The following PGS1 variants were observed in gnomAD, a reference collection of about 807,000 sequenced individuals.
PGS1 encodes CDP-diacylglycerol--glycerol-3-phosphate 3-phosphatidyltransferase, mitochondrial.
In PGS1, 44 loss-of-function variants were observed where a neutral mutation model predicts 58.3. The observed-to-expected ratio is 0.75, with a 90% CI of 0.59 to 0.97. The LOEUF (loss-of-function observed/expected upper bound fraction) is 0.97. Among genes scored for constraint, PGS1 ranks in the 50% least tolerant of loss-of-function variants. The probability of loss-of-function intolerance (pLI) is 0.00; values close to 1 mark genes in which losing one functional copy is unlikely to be tolerated. For missense variants in PGS1, 684 were observed against 731.1 expected (o/e 0.94, Z 0.74); for synonymous variants, 330 against 311.0 (o/e 1.06, Z -0.64).
chr17:78,387,821 C>A (rs909439796), intron 1 of PGS1, among the ~76,000 whole-genome samples: 4 of 152,102 alleles, frequency 2.6e-5, no homozygotes, highest in Admixed American at 2.6e-4. Flanking sequence ...TGGTCTCGAT[C>A]TCCTGGCCTC....
chr17:78,407,280 G>T (rs1340525259), intron 7 of PGS1, among the ~76,000 whole-genome samples: 1 of 152,228 alleles, frequency 6.6e-6, no homozygotes, highest in East Asian at 1.9e-4. Context: ...CCAGAGGTCA[G>T]AGGTCACTTG....
chr17:78,404,016 G>A lies in PGS1; in HGVS notation c.1329G>A (p.Val443=), dbSNP rs759266966. The change falls in exon 7 of 10, where the codon GTG becomes GTA. Residue 443 remains valine (V), a synonymous_variant. Transcript: ENST00000262764. ...TCGAGCGACAGTTCTTCAGTGAGGT[G>A]TGCAGCCTGGGACAGCAGGAGCGGG... ...VHIERQFFSE[V]CSLGQQERVQ... 5.6e-6 allele frequency: 9 copies of A among 1,613,282 alleles called. No individual in the cohort carries two copies. The highest frequency in any genetic ancestry group is 7.6e-6 in the Non-Finnish European group (9 of 1,179,648).
chr17:78,413,021 G>A (rs2084856730), intron 7 of PGS1, among the ~76,000 whole-genome samples: 1 of 152,232 alleles, frequency 6.6e-6, no homozygotes, highest in African/African-American at 2.4e-5. Flanking sequence ...GGCAGCGTGA[G>A]CCATCTGGAT....
chr17:78,378,959 G>C (rs1007003885), intron 1 of PGS1, 151 bp downstream of exon 1: 1 of 857,626 alleles, frequency 1.2e-6, no homozygotes, highest in East Asian at 3.3e-5. Context: ...CTCGGCGCCT[G>C]ACCTATGTGC....
rs968043259 is a variant in PGS1, at chr17:78,400,456, C to T, written c.702-221C>T. On this transcript the variant is annotated intron_variant, in intron 5 of 9. Transcript: ENST00000262764. The surrounding 1 kb of genome is among the most constrained non-coding windows in gnomAD (Gnocchi z 4.4). ...CTCCTCTTCTCAGCTACACTGTCGG[C>T]TCCTTGAGAGGAGGAGGCTGTGGGT... is the stretch of plus-strand genomic sequence containing the variant. Among the ~76,000 whole-genome samples, 1 of 152,026 alleles carries T rather than the reference C, an allele frequency of 6.6e-6. No homozygotes were observed. Among genetic ancestry groups the T allele is most frequent in the African/African-American group, 2.4e-5 (1 of 41,418 alleles).
chr17:78,410,774 C>G (rs1042400484), intron 7 of PGS1, among the ~76,000 whole-genome samples: 2 of 152,052 alleles, frequency 1.3e-5, no homozygotes, highest in African/African-American at 4.8e-5. Context: ...GCCTGGCCGT[C>G]AGAGCTTTTT....
At chr17:78,411,841 C>T (rs894064630) in intron 7 of PGS1, among the ~76,000 whole-genome samples, 4 of 147,980 alleles carry the variant, frequency 2.7e-5, no homozygotes, top group South Asian at 2.2e-4. Flanking sequence ...CGGGTCTGAC[C>T]GGAGCTCCAG....
At chr17:78,417,402 C>A in intron 8 of PGS1, among the ~76,000 whole-genome samples, 1 of 152,280 alleles carries the variant, frequency 6.6e-6, no homozygotes, top group South Asian at 2.1e-4. Context: ...ACACGCGGGG[C>A]TGCGGGGCTG....
chr17:78,404,058 C>T lies in PGS1; in HGVS notation c.1371C>T (p.Tyr457=). 1.2e-6 allele frequency: 2 copies of T among 1,600,440 alleles called. No homozygotes were observed. The highest frequency in any genetic ancestry group is 8.5e-7 in the Non-Finnish European group (1 of 1,172,494). The change falls in exon 7 of 10, where the codon TAC becomes TAT. Residue 457 remains tyrosine, a synonymous_variant. Coordinates refer to ENST00000262764, the MANE Select transcript of PGS1 (RefSeq NM_024419.5). ...AGGAGCGGGTCCAGCTTCAGGAGTA[C>T]TGGCGGAGGGGCTGGACGTTCCACG... is the stretch of plus-strand genomic sequence containing the variant. ...GQQERVQLQE[Y]WRRGWTFHAK...
At chr17:78,399,901 G>T (rs772488068) in intron 5 of PGS1, 5 of 292,168 alleles carry the variant, frequency 1.7e-5, no homozygotes, top group Non-Finnish European at 2.7e-5. Flanking sequence ...ACAAGAGTCA[G>T]ACCTGGAAGT....
At chr17:78,378,902 G>A (rs1387589453) in intron 1 of PGS1, 94 bp downstream of exon 1, 11 of 1,258,628 alleles carry the variant, frequency 8.7e-6, no homozygotes, top group Non-Finnish European at 1.1e-5. Flanking sequence ...CTGGGCATCC[G>A]CAGCGAGTCC....
chr17:78,386,980 G>GAT (rs1475166796), intron 1 of PGS1, among the ~76,000 whole-genome samples: 30 of 111,248 alleles, frequency 2.7e-4, no homozygotes, highest in African/African-American at 1.2e-3. Context: ...TGATGATGAT[G>GAT]GTGATGATGG....
chr17:78,379,730 G>T (rs998035512), intron 1 of PGS1, among the ~76,000 whole-genome samples: 1 of 151,866 alleles, frequency 6.6e-6, no homozygotes, highest in African/African-American at 2.4e-5. Context: ...GGCTGACCCT[G>T]AGGCAGGAGA....
intron 1 of PGS1, among the ~76,000 whole-genome samples, chr17:78,382,512 C>A (rs1217405474): frequency 6.6e-6 from 1 of 151,956 alleles, no homozygotes; most frequent in African/African-American, 2.4e-5. Context: ...TTATGTTAAT[C>A]AGTATCCAGG....
intron 4 of PGS1, 123 bp from the exon 5 acceptor site, chr17:78,399,225 C>G: frequency 1.4e-6 from 1 of 716,540 alleles, no homozygotes; most frequent in Admixed American, 2.3e-5. Context: ...GTAGCCCCAG[C>G]TGGTGTGACT....
chr17:78,414,963 G>A lies in PGS1; in HGVS notation c.1487G>A (p.Arg496Gln), dbSNP rs866125938. The part of the protein sequence containing the change: ...SPNFGYRSVH[R>Q]DLEAQIAIVT... The stretch of plus-strand genomic sequence containing the variant: ...AATTTTGGGTACAGGTCAGTTCACC[G>A]GGACCTGGAGGCCCAGATTGCGATC... The change falls in exon 8 of 10, where the codon CGG (arginine) becomes CAG (glutamine). Residue 496 changes from arginine (R) to glutamine (Q), a missense_variant. Arg to Gln is a conservative substitution (Grantham distance 43). Transcript: ENST00000262764. 6.2e-7 allele frequency: 1 copy of A among 1,613,816 alleles called. No individual in the cohort carries two copies. Among genetic ancestry groups the A allele is most frequent in the Admixed American group, 1.7e-5 (1 of 60,018 alleles).
chr17:78,378,674 G>GGCGGCGGCAGCT lies in PGS1; in HGVS notation c.17_28dup (p.Ala6_Ala9dup). 6.5e-7 allele frequency: 1 copy of GGCGGCGGCAGCT among 1,533,978 alleles called. No homozygotes were observed. Among genetic ancestry groups the GGCGGCGGCAGCT allele is most frequent in the South Asian group, 1.2e-5 (1 of 83,092 alleles). On this transcript the variant is annotated inframe_insertion, in exon 1 of 10. Coordinates refer to ENST00000262764, the MANE Select transcript of PGS1 (RefSeq NM_024419.5). ...GGAAGCGGCGAGTCTCCATGGCGGTGGCGGCGGCAGCTGCGGCGGGACCCG... is the reference window on the plus strand; with the variant it reads ...GGAAGCGGCGAGTCTCCATGGCGGTGGCGGCGGCAGCTGCGGCGGCAGCTGCGGCGGGACCCG...
chr17:78,410,986 G>A (rs571556526), intron 7 of PGS1, among the ~76,000 whole-genome samples: 7 of 152,236 alleles, frequency 4.6e-5, no homozygotes, highest in Admixed American at 2.0e-4. Context: ...AAGCAGATGC[G>A]TCTCTACAAA....
Position 78,423,976 on chromosome 17 carries a change from A to G in PGS1, c.*11-85A>G, listed in dbSNP as rs746062866. 3.1e-6 allele frequency: 5 copies of G among 1,613,890 alleles called. No homozygotes were observed. The East Asian group carries it at 8.9e-5, about 29-fold the overall frequency. On this transcript the variant is annotated intron_variant, in intron 9 of 9. Coordinates refer to ENST00000262764, the MANE Select transcript of PGS1 (RefSeq NM_024419.5). ...TGCCTTCTCTTTGGTCTTCAAGTTA[A>G]AGGTCCAGACATAGGTGGGGCCGCG... is the stretch of plus-strand genomic sequence containing the variant.
Sources: gnomAD v4.1 joint callset for allele counts (sites outside exome capture counted in the v4.1 genomes callset) on GRCh38, gnomAD v4.1.1 for gene constraint, Gnocchi (gnomAD v3.1) non-coding constraint, MANE v1.5 for transcripts, NCBI Gene and HGNC (gene_info 2026-07-23, HGNC 2026-07-21) for gene names.